Variants in FAM133B observed in about 807,000 individuals in gnomAD.
The protein encoded by FAM133B is family with sequence similarity 133 member B, also known as protein FAM133B.
In FAM133B, 25 loss-of-function variants were observed where a neutral mutation model predicts 46.4. That is an observed-to-expected ratio of 0.54 (90% confidence interval 0.39 to 0.75). The LOEUF (loss-of-function observed/expected upper bound fraction) is 0.75, where lower values mean the gene tolerates loss of function less well. Among genes scored for constraint, FAM133B ranks in the 30% least tolerant of loss-of-function variants. The pLI, the probability that FAM133B is intolerant of heterozygous loss-of-function variation, is 0.00. For synonymous variants in FAM133B, 75 were observed against 86.0 expected (o/e 0.87, Z 0.71); for missense variants, 205 against 277.6 (o/e 0.74, Z 1.86).
intron 8 of FAM133B, among the ~76,000 whole-genome samples, chr7:92,572,122 C>T (rs553679426): frequency 7.9e-5 from 12 of 152,178 alleles, no homozygotes; most frequent in East Asian, 1.9e-4. Context: ...AGTAAAGAGA[C>T]GCCATGGACC....
chr7:92,573,374 C>T (rs1162172239), intron 8 of FAM133B, among the ~76,000 whole-genome samples: 1 of 151,544 alleles, frequency 6.6e-6, no homozygotes, highest in Non-Finnish European at 1.5e-5. Flanking sequence ...AGGCTGGTCT[C>T]GAACTCCTGG....
intron 1 of FAM133B, among the ~76,000 whole-genome samples, chr7:92,586,960 C>T (rs1795052882): frequency 1.3e-5 from 2 of 152,124 alleles, no homozygotes; most frequent in Non-Finnish European, 2.9e-5. Context: ...AGAGTGACCC[C>T]TAATGCAAAC....
chr7:92,562,391 G>T, intron 10 of FAM133B, 23 bp from the exon 11 acceptor site: 1 of 1,520,712 alleles, frequency 6.6e-7, no homozygotes, highest in South Asian at 1.3e-5. Context: ...TTCCATGTTA[G>T]ACATTACTAT....
chr7:92,587,077 T>C (rs1795056135), intron 1 of FAM133B, among the ~76,000 whole-genome samples: 1 of 151,840 alleles, frequency 6.6e-6, no homozygotes, highest in Non-Finnish European at 1.5e-5. Context: ...GCTGCACAAG[T>C]GTGGAGGTAT....
intron 8 of FAM133B, among the ~76,000 whole-genome samples, chr7:92,572,318 C>T (rs556865614): frequency 3.9e-5 from 6 of 152,282 alleles, no homozygotes; most frequent in African/African-American, 1.4e-4. Flanking sequence ...TATACACTAG[C>T]AAGAATGCAA....
chr7:92,570,281 AAAATAAATGGGTG>A (rs1454470384), intron 8 of FAM133B, among the ~76,000 whole-genome samples: 2 of 152,142 alleles, frequency 1.3e-5, no homozygotes, highest in Non-Finnish European at 2.9e-5. Context: ...TGCAGAAAAG[AAAATAAATGGGTG>A]ATTATTTGCA....
At chr7:92,581,269 G>T (rs1387835704) in intron 2 of FAM133B, among the ~76,000 whole-genome samples, 1 of 152,202 alleles carries the variant, frequency 6.6e-6, no homozygotes, top group African/African-American at 2.4e-5. Flanking sequence ...AGAAGAGACT[G>T]GTATGAAAAA....
At chr7:92,564,764 C>T (rs569053370) in intron 10 of FAM133B, among the ~76,000 whole-genome samples, 16 of 152,144 alleles carry the variant, frequency 1.1e-4, no homozygotes, top group Admixed American at 2.0e-4. Context: ...CTGAGGGCCC[C>T]TAAATTACTT....
intron 1 of FAM133B, among the ~76,000 whole-genome samples, chr7:92,583,828 C>T (rs1794959074): frequency 6.6e-6 from 1 of 151,806 alleles, no homozygotes; most frequent in African/African-American, 2.4e-5. Context: ...GCGGGTGGAT[C>T]ACCTGAAGTC....
At chr7:92,564,562 T>C (rs1196611553) in intron 10 of FAM133B, among the ~76,000 whole-genome samples, 4 of 152,236 alleles carry the variant, frequency 2.6e-5, no homozygotes, top group African/African-American at 9.6e-5. Flanking sequence ...TTCGTCATCG[T>C]AGGCTTGGAG....
chr7:92,580,398 G>T (rs569357094), intron 2 of FAM133B, among the ~76,000 whole-genome samples: 1 of 152,258 alleles, frequency 6.6e-6, no homozygotes, highest in African/African-American at 2.4e-5. Context: ...CCCAGCCCTG[G>T]AATCTGGAAT....
At chr7:92,567,841 G>A (rs1193305451) in intron 9 of FAM133B, among the ~76,000 whole-genome samples, 4 of 151,402 alleles carry the variant, frequency 2.6e-5, no homozygotes, top group African/African-American at 9.7e-5. Flanking sequence ...TCGGCTCACT[G>A]CAGCCTCTGC....
Position 92,566,470 on chromosome 7 carries a change from A to G in FAM133B, c.610-409T>C, listed in dbSNP as rs202135417. On this transcript the variant is annotated intron_variant, in intron 9 of 10. Transcript: ENST00000445716. ...GAGAGCTCCCCCATCTCTACCAAGAAAAAAAAAAAAGAAAAAGAAAAAATA... is the reference window on the plus strand; with the variant it reads ...GAGAGCTCCCCCATCTCTACCAAGAGAAAAAAAAAAGAAAAAGAAAAAATA... 3.6e-4 allele frequency among the ~76,000 whole-genome samples: 54 copies of G among 149,282 alleles called. No homozygotes were observed. In the East Asian group the frequency reaches 3.9e-3, roughly 11 times the overall value.
chr7:92,577,575 G>T, intron 6 of FAM133B, 80 bp downstream of exon 6: 1 of 1,203,270 alleles, frequency 8.3e-7, no homozygotes. Context: ...ATTTCTAACA[G>T]ATATTTCACA....
At position 92,572,331 on chromosome 7, in the gene FAM133B, T is replaced by C. The variant is rs1179624352; in HGVS notation, c.517-2416A>G. Among the ~76,000 whole-genome samples the C allele has an allele frequency of 2.0e-5, 3 of 152,310 alleles. No homozygotes were observed. The East Asian group carries it at 5.8e-4, about 29-fold the overall frequency. On this transcript the variant is annotated intron_variant, in intron 8 of 10. Transcript: ENST00000445716. ...TTTATACACTAGCAAGAATGCAAAATAACAAGCACTTGGGCAAGCAAAATG... is the reference window on the plus strand; with the variant it reads ...TTTATACACTAGCAAGAATGCAAAACAACAAGCACTTGGGCAAGCAAAATG...
intron 8 of FAM133B, among the ~76,000 whole-genome samples, chr7:92,572,362 A>T (rs1174667295): frequency 1.3e-5 from 2 of 152,242 alleles, no homozygotes; most frequent in Admixed American, 6.5e-5. Context: ...AAATGTTCGT[A>T]AGTTGAATGT....
At chr7:92,582,264 A>G (rs1247971521) in intron 1 of FAM133B, among the ~76,000 whole-genome samples, 3 of 120,094 alleles carry the variant, frequency 2.5e-5, no homozygotes, top group Non-Finnish European at 3.6e-5. Context: ...AATAAATAAC[A>G]TAACATAACA....
chr7:92,585,729 T>C (rs1040694337), intron 1 of FAM133B, among the ~76,000 whole-genome samples: 1 of 152,140 alleles, frequency 6.6e-6, no homozygotes, highest in Non-Finnish European at 1.5e-5. Flanking sequence ...TTAGACTGCA[T>C]GTGCACCAAA....
intron 1 of FAM133B, 177 bp from the exon 2 acceptor site, chr7:92,581,780 AGTTTGG>A: frequency 1.9e-6 from 1 of 539,136 alleles, no homozygotes; most frequent in Non-Finnish European, 3.3e-6. Context: ...AAGTCTTAAA[AGTTTGG>A]GAGAAAATTG....
Sources: allele counts gnomAD v4.1 joint callset (sites outside exome capture counted in the v4.1 genomes callset), GRCh38; gene constraint gnomAD v4.1.1; transcripts MANE v1.5; gene names NCBI Gene and HGNC (gene_info 2026-07-23, HGNC 2026-07-21).